Variants in SLC7A14 observed in about 807,000 individuals in gnomAD.
The protein encoded by SLC7A14 is solute carrier family 7 member 14, also known as gamma-aminobutyric acid transporter SLC7A14.
A neutral mutation model predicts 60.2 loss-of-function variants in SLC7A14; 37 were observed. The observed-to-expected ratio is 0.61, with a 90% CI of 0.47 to 0.81. The LOEUF is 0.81. SLC7A14 is among the 30% of genes least tolerant of loss of function. The pLI, the probability that SLC7A14 is intolerant of heterozygous loss-of-function variation, is 0.00. For synonymous variants in SLC7A14, 399 were observed against 395.8 expected (o/e 1.01, Z -0.10); for missense variants, 886 against 982.7 (o/e 0.90, Z 1.32).
At chr3:170,506,628 C>G (rs1712788352) in intron 2 of SLC7A14, among the ~76,000 whole-genome samples, 1 of 152,194 alleles carries the variant, frequency 6.6e-6, no homozygotes, top group African/African-American at 2.4e-5. Context: ...AGGTTTAGTT[C>G]TTTCAGACAG....
intron 1 of SLC7A14, among the ~76,000 whole-genome samples, chr3:170,569,775 T>C (rs986638762): frequency 1.3e-5 from 2 of 152,222 alleles, no homozygotes; most frequent in African/African-American, 4.8e-5. Context: ...CCATTTTTTC[T>C]AGATTTTCTA....
Position 170,480,472 on chromosome 3 carries a change from T to C in SLC7A14, c.1810A>G (p.Met604Val), listed in dbSNP as rs1488686540. ...SWWAILLVVL[M>V]VLLISTLVFV... is the part of the protein sequence containing the mutation. The stretch of plus-strand genomic sequence containing the variant: ...ACCAGGGTGCTGATCAGCAGCACCA[T>C]CAGAACAACCAGAAGGATGGCCCAC... The change falls in exon 7 of 8, where the codon ATG (methionine) becomes GTG (valine). Residue 604 changes from methionine (M) to valine (V), a missense_variant. By Grantham distance (21) the Met-to-Val change is conservative (BLOSUM62 1). Coordinates refer to ENST00000231706, the MANE Select transcript of SLC7A14 (RefSeq NM_020949.3). The C allele has an allele frequency of 5.0e-6, 8 of 1,613,902 alleles. No individual in the cohort carries two copies. The highest frequency in any genetic ancestry group is 2.7e-5 in the African/African-American group (2 of 74,896).
At chr3:170,470,764 G>A (rs549849908) in intron 7 of SLC7A14, among the ~76,000 whole-genome samples, 3 of 152,164 alleles carry the variant, frequency 2.0e-5, no homozygotes, top group East Asian at 3.9e-4. Flanking sequence ...GAAGAGAAAC[G>A]TATTACCATC....
At chr3:170,516,558 C>CAAA (rs11414998) in intron 2 of SLC7A14, among the ~76,000 whole-genome samples, 4 of 145,350 alleles carry the variant, frequency 2.8e-5, no homozygotes, top group African/African-American at 1.0e-4. Flanking sequence ...CCTGTCTCTA[C>CAAA]AAAAAAAAAA....
Position 170,526,266 on chromosome 3 carries a change from G to A in SLC7A14, c.304+367C>T, listed in dbSNP as rs551350853. Among the ~76,000 whole-genome samples the A allele has an allele frequency of 8.6e-5, 13 of 151,948 alleles. No homozygotes were observed. The South Asian group carries it at 2.7e-3, about 32-fold the overall frequency. On this transcript the variant is annotated intron_variant, in intron 2 of 7. Coordinates refer to ENST00000231706, the MANE Select transcript of SLC7A14 (RefSeq NM_020949.3). ...AAAATACAAAAATTAGCCGGGCGTGGTGGCGGGCGCCTATAATCCCAGCTA... is the reference window on the plus strand; with the variant it reads ...AAAATACAAAAATTAGCCGGGCGTGATGGCGGGCGCCTATAATCCCAGCTA...
At chr3:170,491,805 G>A (rs1712229591) in intron 4 of SLC7A14, among the ~76,000 whole-genome samples, 2 of 152,096 alleles carry the variant, frequency 1.3e-5, no homozygotes, top group Admixed American at 1.3e-4. Context: ...AAATTCAACA[G>A]GAAGCAACCT....
intron 7 of SLC7A14, 111 bp downstream of exon 7, chr3:170,480,178 C>T (rs1297888629): frequency 5.9e-6 from 7 of 1,182,802 alleles, no homozygotes; most frequent in Non-Finnish European, 8.1e-6. Context: ...ATAGAACCAG[C>T]CAGATTTCTC....
chr3:170,529,160 C>A (rs1469667791), intron 1 of SLC7A14, among the ~76,000 whole-genome samples: 1 of 152,118 alleles, frequency 6.6e-6, no homozygotes, highest in Non-Finnish European at 1.5e-5. Context: ...CAACAAAGAA[C>A]CACATGAGTA....
chr3:170,555,190 A>T lies in SLC7A14; in HGVS notation c.-152-28102T>A, dbSNP rs956646268. 2.7e-5 allele frequency among the ~76,000 whole-genome samples: 4 copies of T among 149,878 alleles called. 1 individual carries two copies. Among genetic ancestry groups the T allele is most frequent in the Admixed American group, 2.0e-4 (3 of 15,100 alleles). On this transcript the variant is annotated intron_variant, in intron 1 of 7. Coordinates refer to ENST00000231706, the MANE Select transcript of SLC7A14 (RefSeq NM_020949.3). ...CTCAAAAAAAATATATATATATATA[A>T]TATATATATTGCTTGTTTAGCTAAT... is the stretch of plus-strand genomic sequence containing the variant.
At chr3:170,533,517 T>C (rs933878108) in intron 1 of SLC7A14, among the ~76,000 whole-genome samples, 5 of 152,242 alleles carry the variant, frequency 3.3e-5, no homozygotes, top group African/African-American at 1.2e-4. Flanking sequence ...CGATCAACAG[T>C]GCCTCACATG....
chr3:170,582,901 G>T (rs1577579917), intron 1 of SLC7A14, among the ~76,000 whole-genome samples: 1 of 152,204 alleles, frequency 6.6e-6, no homozygotes, highest in African/African-American at 2.4e-5. Context: ...AGAACATCAG[G>T]TTCTGCTGTA....
rs148534462 is a variant in SLC7A14, at chr3:170,513,991, G to A, written c.304+12642C>T. Among the ~76,000 whole-genome samples, 420 of 152,080 alleles carry A rather than the reference G, an allele frequency of 2.8e-3. 2 individuals carry two copies. Among genetic ancestry groups the A allele is most frequent in the African/African-American group, 7.7e-3 (319 of 41,464 alleles). ...CCACTTCTTTTCTTTCTTCATCATC[G>A]CTTCTTATTTATCCATCTCCATCTG... On this transcript the variant is annotated intron_variant, in intron 2 of 7. Coordinates refer to ENST00000231706, the MANE Select transcript of SLC7A14 (RefSeq NM_020949.3).
chr3:170,531,042 C>T (rs1404180733), intron 1 of SLC7A14, among the ~76,000 whole-genome samples: 1 of 152,166 alleles, frequency 6.6e-6, no homozygotes, highest in Non-Finnish European at 1.5e-5. Context: ...AATGCTGGTG[C>T]CTGTGCCCCA....
In SLC7A14 at chr3:170,491,970, A is replaced by G. The variant is rs114360533; in HGVS notation, c.760-5602T>C. Among the ~76,000 whole-genome samples, 129 of 152,346 alleles carry G rather than the reference A, an allele frequency of 8.5e-4. 1 individual carries two copies. The highest frequency in any genetic ancestry group is 1.4e-3 in the Admixed American group (21 of 15,314). The stretch of plus-strand genomic sequence containing the variant: ...ATTATTAAAGAGAAGATAGAAAATT[A>G]GCAAAAAGGGTCATCTTTTTACTTG... On this transcript the variant is annotated intron_variant, in intron 4 of 7. Transcript: ENST00000231706.
At chr3:170,553,761 G>A (rs547874175) in intron 1 of SLC7A14, among the ~76,000 whole-genome samples, 1 of 152,182 alleles carries the variant, frequency 6.6e-6, no homozygotes, top group South Asian at 2.1e-4. Flanking sequence ...ATGTTTAAGC[G>A]ACTTGCTTGC....
At chr3:170,584,917 G>A (rs1715339928) in intron 1 of SLC7A14, among the ~76,000 whole-genome samples, 1 of 152,194 alleles carries the variant, frequency 6.6e-6, no homozygotes, top group East Asian at 1.9e-4. Flanking sequence ...AAAATCTCAA[G>A]GAAACGAGCT....
Position 170,462,933 on chromosome 3 carries a change from C to G in SLC7A14, c.*4122G>C, listed in dbSNP as rs951999305. 1 of 152,152 alleles carries G rather than the reference C, an allele frequency of 6.6e-6. No individual in the cohort carries two copies. Among genetic ancestry groups the G allele is most frequent in the African/African-American group, 2.4e-5 (1 of 41,424 alleles). 9.4% of individuals were successfully genotyped at this position (152,152 alleles called of 1,614,324 possible). A position where few individuals can be genotyped will look rare whatever the true frequency, so the allele number is the denominator to read the frequency against. Reference sequence around the variant, plus strand: ...TAATGATGAATGCAGACACAGGACTCAAAGTACAGCTATTTTTCTCTTTAA... The same window carrying G: ...TAATGATGAATGCAGACACAGGACTGAAAGTACAGCTATTTTTCTCTTTAA... On this transcript the variant is annotated 3_prime_UTR_variant, in exon 8 of 8. Transcript: ENST00000231706.
In SLC7A14 at chr3:170,532,227, G is replaced by T. The variant is rs572702148; in HGVS notation, c.-152-5139C>A. Among the ~76,000 whole-genome samples, 1 of 151,698 alleles carries T rather than the reference G, an allele frequency of 6.6e-6. No homozygotes were observed. The highest frequency in any genetic ancestry group is 1.9e-4 in the East Asian group (1 of 5,184). On this transcript the variant is annotated intron_variant, in intron 1 of 7. Transcript: ENST00000231706. The surrounding 1 kb of genome is among the most constrained non-coding windows in gnomAD (Gnocchi z 4.0). ...GGATTGCTACAAGATTCTTTTAATT[G>T]ATGTCCCCAGGAAAAATGAGGCTGC... is the stretch of plus-strand genomic sequence containing the variant.
chr3:170,539,517 CACTTATTT>C (rs1187254291), intron 1 of SLC7A14, among the ~76,000 whole-genome samples: 1 of 152,126 alleles, frequency 6.6e-6, no homozygotes, highest in Non-Finnish European at 1.5e-5. Context: ...TCCATCTATT[CACTTATTT>C]ACTTATTTAT....
Sources: allele counts gnomAD v4.1 joint callset (sites outside exome capture counted in the v4.1 genomes callset), GRCh38; gene constraint gnomAD v4.1.1; non-coding constraint Gnocchi (gnomAD v3.1); transcripts MANE v1.5; gene names NCBI Gene and HGNC (gene_info 2026-07-23, HGNC 2026-07-21).